NTRK3: variants seen among roughly 807,000 people sequenced by gnomAD.
NTRK3 encodes the protein neurotrophic receptor tyrosine kinase 3.
In NTRK3, 24 loss-of-function variants were observed where a neutral mutation model predicts 91.7. That is an observed-to-expected ratio of 0.26 (90% CI 0.19 to 0.37). The LOEUF is 0.37. Among genes scored for constraint, NTRK3 ranks in the 10% least tolerant of loss-of-function variants. The pLI is 1.00. For missense variants in NTRK3, 880 were observed against 1,068.9 expected, an observed-to-expected ratio of 0.82 and a Z score of 2.46; for synonymous variants, 483 against 404.0, an observed-to-expected ratio of 1.20 and a Z score of -2.34.
At chr15:87,904,804 C>A (rs2066661258) in intron 17 of NTRK3, among the ~76,000 whole-genome samples, 1 of 152,196 alleles carries the variant, frequency 6.6e-6, no homozygotes, top group Non-Finnish European at 1.5e-5. Flanking sequence ...CCAGCTGGGA[C>A]TCCACAGAGC....
At chr15:88,252,585 C>T (rs2053524249) in intron 3 of NTRK3, 1 of 152,444 alleles carries the variant, frequency 6.6e-6, no homozygotes, top group Admixed American at 6.5e-5. Flanking sequence ...GACCATACCA[C>T]TCCAACCCAG....
At chr15:88,144,882 T>A (rs890356912) in intron 6 of NTRK3, among the ~76,000 whole-genome samples, 16 of 152,234 alleles carry the variant, frequency 1.1e-4, no homozygotes, top group Middle Eastern at 3.4e-3. Context: ...CTGGTTGGGG[T>A]ACAGCAGAGG....
At chr15:88,153,250 T>C (rs933668738) in intron 5 of NTRK3, among the ~76,000 whole-genome samples, 1 of 152,160 alleles carries the variant, frequency 6.6e-6, no homozygotes, top group Non-Finnish European at 1.5e-5. Flanking sequence ...TTTTGTTTTT[T>C]ATTTTTTTTG....
At chr15:87,967,468 C>A (rs780977301) in intron 14 of NTRK3, among the ~76,000 whole-genome samples, 1 of 152,114 alleles carries the variant, frequency 6.6e-6, no homozygotes, top group Non-Finnish European at 1.5e-5. Context: ...ATAGGCACTC[C>A]CATAGGTCCT....
intron 14 of NTRK3, among the ~76,000 whole-genome samples, chr15:87,987,816 G>A (rs566060340): frequency 2.6e-4 from 40 of 151,766 alleles, no homozygotes; most frequent in Middle Eastern, 6.8e-3. Context: ...GTTTAGGGCT[G>A]GACGTGGCCG....
chr15:88,130,228 C>T (rs1195990937), intron 10 of NTRK3, among the ~76,000 whole-genome samples: 2 of 152,094 alleles, frequency 1.3e-5, no homozygotes, highest in Non-Finnish European at 2.9e-5. Flanking sequence ...TCCATGAGTC[C>T]ATATTGATAC....
At chr15:88,108,509 G>C (rs1338518955) in intron 13 of NTRK3, among the ~76,000 whole-genome samples, 1 of 152,140 alleles carries the variant, frequency 6.6e-6, no homozygotes, top group Non-Finnish European at 1.5e-5. Flanking sequence ...CATGCTCCCT[G>C]TGATCTACCC....
intron 14 of NTRK3, among the ~76,000 whole-genome samples, chr15:88,010,346 G>A (rs1383743129): frequency 1.3e-5 from 2 of 152,038 alleles, no homozygotes; most frequent in Non-Finnish European, 2.9e-5. Flanking sequence ...TGGAACTTCG[G>A]GTCTTCTCTA....
intron 14 of NTRK3, among the ~76,000 whole-genome samples, chr15:87,984,358 G>A (rs1203760951): frequency 6.6e-6 from 1 of 152,236 alleles, no homozygotes; most frequent in Non-Finnish European, 1.5e-5. Context: ...TAAGGTTGTG[G>A]GAAGGTGATC....
chr15:87,925,169 T>C (rs373636659), intron 17 of NTRK3, among the ~76,000 whole-genome samples: 1 of 152,316 alleles, frequency 6.6e-6, no homozygotes, highest in South Asian at 2.1e-4. Context: ...GTGTTTGTCA[T>C]TGTGAATGTC....
chr15:88,179,324 GA>G (rs1420414649), intron 5 of NTRK3, among the ~76,000 whole-genome samples: 1 of 152,184 alleles, frequency 6.6e-6, no homozygotes, highest in African/African-American at 2.4e-5. Flanking sequence ...AGCTATAGTG[GA>G]AAGATTCCTG....
intron 14 of NTRK3, among the ~76,000 whole-genome samples, chr15:88,015,841 C>T (rs2077197633): frequency 1.3e-5 from 2 of 151,976 alleles, no homozygotes; most frequent in African/African-American, 4.8e-5. Flanking sequence ...TAATGAAGAA[C>T]GAAGGAATGC....
chr15:88,166,228 A>C (rs2044928105), intron 5 of NTRK3, among the ~76,000 whole-genome samples: 1 of 152,184 alleles, frequency 6.6e-6, no homozygotes, highest in Admixed American at 6.5e-5. Context: ...AATCAAAGTC[A>C]TAAATCACAA....
At chr15:88,229,704 G>C (rs2051005289) in intron 3 of NTRK3, among the ~76,000 whole-genome samples, 1 of 152,172 alleles carries the variant, frequency 6.6e-6, no homozygotes, top group Non-Finnish European at 1.5e-5. Flanking sequence ...GGTGGGTGCA[G>C]CCTCCCTCAC....
At position 88,189,475 on chromosome 15, in the gene NTRK3, G is replaced by A. The variant is rs1170436409; in HGVS notation, c.249-5176C>T. 4.0e-5 allele frequency among the ~76,000 whole-genome samples: 6 copies of A among 150,528 alleles called. No individual in the cohort carries two copies. In the South Asian group the frequency reaches 1.3e-3, roughly 32 times the overall value. ...TTTCACTCTTGCCACCCAGGCTGGA[G>A]TGCAATGGCTCACTGCAACCTCTGC... On this transcript the variant is annotated intron_variant, in intron 3 of 18. Coordinates refer to ENST00000394480, the Ensembl canonical transcript of NTRK3.
chr15:87,932,026 G>A (rs1342968925), intron 16 of NTRK3, among the ~76,000 whole-genome samples: 1 of 152,174 alleles, frequency 6.6e-6, no homozygotes, highest in Non-Finnish European at 1.5e-5. Context: ...CCTTCACATG[G>A]CTGTCCCTTC....
intron 14 of NTRK3, among the ~76,000 whole-genome samples, chr15:87,991,612 C>A (rs898882987): frequency 1.3e-5 from 2 of 152,174 alleles, no homozygotes; most frequent in African/African-American, 4.8e-5. Flanking sequence ...CAAACAATTT[C>A]CCTTTCTGAC....
intron 14 of NTRK3, among the ~76,000 whole-genome samples, chr15:87,953,674 G>A (rs530571715): frequency 6.6e-6 from 1 of 152,134 alleles, no homozygotes; most frequent in Non-Finnish European, 1.5e-5. Context: ...TCAGCCTCAG[G>A]AACCCACATC....
intron 13 of NTRK3, among the ~76,000 whole-genome samples, chr15:88,055,618 G>A (rs923521616): frequency 2.5e-4 from 38 of 152,204 alleles, no homozygotes; most frequent in African/African-American, 8.9e-4. Context: ...CATAGATAAG[G>A]TAGGTGACAA....
Sources: gnomAD v4.1 joint callset for allele counts (sites outside exome capture counted in the v4.1 genomes callset) on GRCh38, gnomAD v4.1.1 for gene constraint, MANE v1.5 for transcripts, NCBI Gene and HGNC (gene_info 2026-07-23, HGNC 2026-07-21) for gene names.